The following PKIB variants were observed in gnomAD, a reference collection of about 807,000 sequenced individuals.
PKIB encodes cAMP-dependent protein kinase inhibitor beta.
PKIB carries 2 observed loss-of-function variants against 4.5 expected under a neutral mutation model. The observed-to-expected ratio is 0.44, with a 90% CI of 0.18 to 1.39. The LOEUF (loss-of-function observed/expected upper bound fraction) is 1.39. Ranked by LOEUF, PKIB falls within the 40% of genes most tolerant of loss-of-function variation. The probability of loss-of-function intolerance (pLI) is 0.27; values close to 1 mark genes in which losing one functional copy is unlikely to be tolerated. For synonymous variants in PKIB, 38 were observed against 36.0 expected, an observed-to-expected ratio of 1.06 and a Z score of -0.20; for missense variants, 94 against 92.6, an observed-to-expected ratio of 1.02 and a Z score of -0.06.
At chr6:122,626,558 C>G (rs998249013) in intron 1 of PKIB, among the ~76,000 whole-genome samples, 3 of 152,192 alleles carry the variant, frequency 2.0e-5, no homozygotes, top group African/African-American at 7.2e-5. Context: ...ACAGAAGATG[C>G]GGCATTTGAG....
intron 3 of PKIB, among the ~76,000 whole-genome samples, chr6:122,588,462 A>C (rs991813377): frequency 6.6e-6 from 1 of 152,152 alleles, no homozygotes; most frequent in African/African-American, 2.4e-5. Flanking sequence ...AAGAGCCTGC[A>C]TTGCCAAGTC....
At chr6:122,574,461 T>C (rs574989929) in intron 2 of PKIB, among the ~76,000 whole-genome samples, 1 of 152,124 alleles carries the variant, frequency 6.6e-6, no homozygotes, top group Non-Finnish European at 1.5e-5. Flanking sequence ...AAAGCAATAC[T>C]AAGCAAAAAG....
At chr6:122,615,393 A>G (rs1008795184) in intron 1 of PKIB, among the ~76,000 whole-genome samples, 19 of 152,118 alleles carry the variant, frequency 1.2e-4, no homozygotes, top group African/African-American at 4.6e-4. Context: ...AAATATTAGG[A>G]GATGAAAATA....
chr6:122,593,664 A>T (rs1235539601), intron 3 of PKIB, among the ~76,000 whole-genome samples: 1 of 152,222 alleles, frequency 6.6e-6, no homozygotes, highest in African/African-American at 2.4e-5. Context: ...ATCCTAGTTA[A>T]GACTGATTTC....
intron 2 of PKIB, among the ~76,000 whole-genome samples, chr6:122,525,010 G>A (rs1456481187): frequency 6.7e-6 from 1 of 149,806 alleles, no homozygotes; most frequent in Admixed American, 6.6e-5. Flanking sequence ...GCTAATTTTG[G>A]GCTCAGTTTT....
chr6:122,713,921 A>G (rs759868379), intron 3 of PKIB, among the ~76,000 whole-genome samples: 2 of 152,154 alleles, frequency 1.3e-5, no homozygotes, highest in Non-Finnish European at 2.9e-5. Context: ...ATTAATTTTT[A>G]AACTTGCTTT....
exon 1 of PKIB, chr6:122,471,941 G>T (rs144100140): frequency 4.2e-5 from 50 of 1,188,934 alleles, no homozygotes; most frequent in Admixed American, 2.9e-4. Context: ...GTCACTAGAC[G>T]ACACGGCTGT....
chr6:122,543,772 G>A lies in PKIB; in HGVS notation c.-247-42149G>A, dbSNP rs74437876. On this transcript the variant is annotated intron_variant, in intron 2 of 6. Transcript: ENST00000392491. ...GAGCAGAAAGAGAGAAAGTGCTGTC[G>A]ATCTGCTGTATACGAACTGAAAGTA... Among the ~76,000 whole-genome samples, 909 of 152,004 alleles carry A rather than the reference G, an allele frequency of 6.0e-3. 15 individuals carry two copies. The highest frequency in any genetic ancestry group is 0.044 in the East Asian group (228 of 5,166).
intron 3 of PKIB, among the ~76,000 whole-genome samples, chr6:122,701,778 C>G (rs1778820322): frequency 1.3e-5 from 2 of 152,036 alleles, no homozygotes; most frequent in Admixed American, 1.3e-4. Context: ...AGATTCCTGC[C>G]CTGGAGATTC....
In PKIB at chr6:122,529,006, A is replaced by T. The variant is rs566258111; in HGVS notation, c.-248+51067A>T. On this transcript the variant is annotated intron_variant, in intron 2 of 6. Transcript: ENST00000392491. ...GGGACTAGGGCTTCATGTGAATTTT[A>T]GGGTAACACAAACATTCTGTGTATA... Among the ~76,000 whole-genome samples the T allele has an allele frequency of 5.9e-5, 9 of 152,360 alleles. No individual in the cohort carries two copies. In the East Asian group the frequency reaches 1.7e-3, roughly 29 times the overall value.
At chr6:122,629,937 A>G (rs957498844) in intron 1 of PKIB, among the ~76,000 whole-genome samples, 1 of 152,222 alleles carries the variant, frequency 6.6e-6, no homozygotes, top group Admixed American at 6.5e-5. Flanking sequence ...GCGTCAGATA[A>G]AAACTAAAGA....
intron 3 of PKIB, among the ~76,000 whole-genome samples, chr6:122,697,184 G>C (rs561590298): frequency 5.9e-5 from 9 of 152,152 alleles, no homozygotes; most frequent in Non-Finnish European, 2.9e-5. Flanking sequence ...GATTTGGCAG[G>C]CAAACAGAGA....
intron 2 of PKIB, among the ~76,000 whole-genome samples, chr6:122,492,106 G>T (rs1279567910): frequency 1.3e-5 from 2 of 152,146 alleles, no homozygotes; most frequent in East Asian, 1.9e-4. Context: ...AGAACCAAGA[G>T]GGGGCAGCAG....
chr6:122,652,320 GTGTGTGTGTGTGTGGA>G (rs931385297), intron 2 of PKIB, among the ~76,000 whole-genome samples: 21 of 120,836 alleles, frequency 1.7e-4, no homozygotes, highest in African/African-American at 5.4e-4. Flanking sequence ...GTGTGTGTGT[GTGTGTGTGTGTGTGGA>G]GAGAGAGAGA....
chr6:122,580,049 T>A (rs187461277), intron 2 of PKIB, among the ~76,000 whole-genome samples: 84 of 152,312 alleles, frequency 5.5e-4, no homozygotes, highest in African/African-American at 1.8e-3. Context: ...AAAAATTATG[T>A]TCAGTGAATT....
chr6:122,486,982 G>A (rs571327931), intron 2 of PKIB, among the ~76,000 whole-genome samples: 13 of 152,168 alleles, frequency 8.5e-5, no homozygotes, highest in South Asian at 6.2e-4. Flanking sequence ...TTAAAAATAA[G>A]TTGTAGACAT....
chr6:122,641,816 C>T (rs1776131199), intron 2 of PKIB, among the ~76,000 whole-genome samples: 2 of 152,202 alleles, frequency 1.3e-5, no homozygotes, highest in Admixed American at 6.5e-5. Flanking sequence ...GCCTCAGCCT[C>T]CCGAGTAGCT....
At chr6:122,549,239 C>T (rs771495357) in intron 2 of PKIB, among the ~76,000 whole-genome samples, 7 of 152,128 alleles carry the variant, frequency 4.6e-5, no homozygotes, top group Non-Finnish European at 8.8e-5. Flanking sequence ...GGGTATCATA[C>T]ATATGAGGCA....
At chr6:122,511,180 A>ATTTCC (rs1304608743) in intron 2 of PKIB, among the ~76,000 whole-genome samples, 2 of 152,002 alleles carry the variant, frequency 1.3e-5, no homozygotes, top group African/African-American at 4.8e-5. Flanking sequence ...AGGCAAAGGA[A>ATTTCC]TTTCCTTTCC....
Sources: allele counts gnomAD v4.1 joint callset (sites outside exome capture counted in the v4.1 genomes callset), GRCh38; gene constraint gnomAD v4.1.1; transcripts MANE v1.5; gene names NCBI Gene and HGNC (gene_info 2026-07-23, HGNC 2026-07-21).